The following RAPGEF3 variants were observed in gnomAD, a reference collection of about 807,000 sequenced individuals.
The protein encoded by RAPGEF3 is 9330170P05Rik.
Under a neutral mutation model 129.8 loss-of-function variants are expected in RAPGEF3, and 103 were observed. The ratio of observed to expected loss-of-function variants is 0.79; its 90% confidence interval spans 0.68 to 0.93. The LOEUF (loss-of-function observed/expected upper bound fraction) is 0.93. Among genes scored for constraint, RAPGEF3 ranks in the 40% least tolerant of loss-of-function variants. RAPGEF3 has a pLI of 0.00. For missense variants in RAPGEF3, 1,117 were observed against 1,207.4 expected (o/e 0.93, Z 1.11); for synonymous variants, 436 against 482.6 (o/e 0.90, Z 1.26).
intron 27 of RAPGEF3, 135 bp downstream of exon 27, chr12:47,737,887 C>T: frequency 7.9e-7 from 1 of 1,263,096 alleles, no homozygotes; most frequent in Non-Finnish European, 1.1e-6. Flanking sequence ...AGCACAGAGG[C>T]TGAACATTAT....
chr12:47,751,675 A>T (rs368849941), intron 4 of RAPGEF3, 48 bp downstream of exon 4: 1 of 1,605,568 alleles, frequency 6.2e-7, no homozygotes, highest in Non-Finnish European at 8.5e-7. Flanking sequence ...AGTGGAACGG[A>T]GAGAAAGCAG....
In RAPGEF3 at chr12:47,735,339, A is replaced by C. The variant is rs1487839280; in HGVS notation, c.*2228T>G. On this transcript the variant is annotated 3_prime_UTR_variant, in exon 28 of 28. Transcript: ENST00000449771. The stretch of plus-strand genomic sequence containing the variant: ...AACACCAGAGGATGCCTCCTGCCCC[A>C]CACCACCCCACGCTTGGGCAGTCAG... 1 of 152,112 alleles carries C rather than the reference A, an allele frequency of 6.6e-6. No homozygotes were observed. Among genetic ancestry groups the C allele is most frequent in the African/African-American group, 2.4e-5 (1 of 41,386 alleles). 9.4% of individuals were successfully genotyped at this position (152,112 alleles called of 1,614,324 possible). A position where few individuals can be genotyped will look rare whatever the true frequency, so the allele number is the denominator to read the frequency against.
intron 23 of RAPGEF3, 35 bp from the exon 24 acceptor site, chr12:47,739,265 C>T: frequency 6.6e-7 from 1 of 1,504,620 alleles, no homozygotes; most frequent in Non-Finnish European, 9.2e-7. Flanking sequence ...GGGTTGCACA[C>T]ACCATAAGCC....
At position 47,747,722 on chromosome 12, in the gene RAPGEF3, C is replaced by T. The variant is rs1941500594; in HGVS notation, c.1463G>A (p.Ser488Asn). 1 of 1,610,804 alleles carries T rather than the reference C, an allele frequency of 6.2e-7. No individual in the cohort carries two copies. Among genetic ancestry groups the T allele is most frequent in the East Asian group, 2.2e-5 (1 of 44,846 alleles). ...SMLHTDPVAT[S>N]FLQKLSDLVG... ...CTCACTCCCAGGTACCTGGAGGAAG[C>T]TGGTGGCCACAGGGTCAGTGTGGAG... Residue 488 changes from serine (S) to asparagine (N), a missense_variant, in exon 14 of 28, where the codon AGC becomes AAC. By Grantham distance (46) the Ser-to-Asn change is conservative. Transcript: ENST00000449771.
At chr12:47,741,748 C>A in intron 18 of RAPGEF3, 146 bp from the exon 19 acceptor site, 1 of 668,108 alleles carries the variant, frequency 1.5e-6, no homozygotes, top group South Asian at 1.7e-5. Context: ...GCTCAGAATA[C>A]ACAGGTGCAT....
In RAPGEF3 at chr12:47,751,902, G is replaced by C; in HGVS notation, c.273+14C>G. 6.2e-7 allele frequency: 1 copy of C among 1,614,134 alleles called. No individual in the cohort carries two copies. The highest frequency in any genetic ancestry group is 2.2e-5 in the East Asian group (1 of 44,880). On this transcript the variant is annotated intron_variant, in intron 3 of 27. Coordinates refer to ENST00000449771, the MANE Select transcript of RAPGEF3 (RefSeq NM_001098531.4). The stretch of plus-strand genomic sequence containing the variant: ...GTGCTGCCTGTCCCAGCTCCACCCT[G>C]CCCAGGCTTCTACCTGCTCCAGGCT...
At chr12:47,750,936 TC>T (rs1941703551) in intron 6 of RAPGEF3, 111 bp downstream of exon 6, 39 of 1,458,128 alleles carry the variant, frequency 2.7e-5, no homozygotes, top group Non-Finnish European at 3.5e-5. Flanking sequence ...CCAGCCAGGT[TC>T]CCTTCCCTCC....
In RAPGEF3 at chr12:47,735,638, A is replaced by T. The variant is rs2136715134; in HGVS notation, c.*1929T>A. On this transcript the variant is annotated 3_prime_UTR_variant, in exon 28 of 28. Transcript: ENST00000449771. ...TCTGGACTGTAAAGCTGATGGTCCA[A>T]GGAGGAGGGAGAAGTCCCATCAGGA... 1 of 152,428 alleles carries T rather than the reference A, an allele frequency of 6.6e-6. No individual in the cohort carries two copies. The highest frequency in any genetic ancestry group is 2.4e-5 in the African/African-American group (1 of 41,586). The allele number at this position is 152,428 out of a possible 1,614,324, so 9.4% of individuals were successfully genotyped here.
chr12:47,740,771 G>A lies in RAPGEF3; in HGVS notation c.2102C>T (p.Thr701Ile). 5.0e-6 allele frequency: 8 copies of A among 1,614,088 alleles called. No homozygotes were observed. The highest frequency in any genetic ancestry group is 3.3e-4 in the Middle Eastern group (2 of 6,062). Reference protein sequence around the residue: ...LGPQHLRDVTTANLERFMRRF... With the variant: ...LGPQHLRDVTIANLERFMRRF... ...GCGCATGAAGCGCTCCAGGTTGGCGGTGGTGACATCCCGCAGATGCTGGGG... is the reference window on the plus strand; with the variant it reads ...GCGCATGAAGCGCTCCAGGTTGGCGATGGTGACATCCCGCAGATGCTGGGG... Residue 701 changes from threonine to isoleucine, a missense_variant, in exon 21 of 28, where the codon ACC becomes ATC. Thr to Ile is a moderately conservative substitution (Grantham distance 89). Coordinates refer to ENST00000449771, the MANE Select transcript of RAPGEF3 (RefSeq NM_001098531.4).
chr12:47,757,746 G>C (rs1481798034), intron 2 of RAPGEF3, 120 bp downstream of exon 2: 10 of 949,756 alleles, frequency 1.1e-5, no homozygotes. Context: ...GTCCACGGCA[G>C]CTGTACCACT....
Position 47,741,491 on chromosome 12 carries a change from T to C in RAPGEF3, c.1923+14A>G. The C allele has an allele frequency of 1.9e-6, 3 of 1,610,700 alleles. No homozygotes were observed. Among genetic ancestry groups the C allele is most frequent in the Non-Finnish European group, 2.5e-6 (3 of 1,176,920 alleles). ...ATCTCCTCCCTGGGCCCTGGCACCC[T>C]GCCTGGTCCCTACCAGCTCATGCAC... On this transcript the variant is annotated intron_variant, in intron 19 of 27. Transcript: ENST00000449771.
At chr12:47,753,930 C>A (rs972061201) in intron 2 of RAPGEF3, 1 of 152,200 alleles carries the variant, frequency 6.6e-6, no homozygotes, top group Non-Finnish European at 1.5e-5. Flanking sequence ...CAGAGAATGG[C>A]CCTAGTCCAT....
At chr12:47,741,303 C>A in intron 19 of RAPGEF3, 1 of 662,932 alleles carries the variant, frequency 1.5e-6, no homozygotes, top group Non-Finnish European at 2.5e-6. Context: ...GAGCTCCCAA[C>A]CAGTGCTACC....
chr12:47,746,692 C>T (rs759661657), intron 16 of RAPGEF3, 168 bp downstream of exon 16: 9 of 855,572 alleles, frequency 1.1e-5, no homozygotes, highest in Non-Finnish European at 1.8e-5. Flanking sequence ...CGGCCTGGCC[C>T]AGGGCACCAC....
intron 23 of RAPGEF3, 154 bp from the exon 24 acceptor site, chr12:47,739,384 C>A: frequency 1.4e-6 from 1 of 722,876 alleles, no homozygotes; most frequent in Non-Finnish European, 2.5e-6. Context: ...GGCTCTGTCA[C>A]AGGCGAACAC....
intron 2 of RAPGEF3, among the ~76,000 whole-genome samples, chr12:47,753,109 C>T (rs929647643): frequency 6.6e-6 from 1 of 152,228 alleles, no homozygotes; most frequent in African/African-American, 2.4e-5. Context: ...AAAGCACAAT[C>T]GCCCCCTTGA....
rs569353077 is a variant in RAPGEF3 at position 47,750,936 on chromosome 12, T to G, written c.671+112A>C. Reference sequence around the variant, plus strand: ...CCAGGGGCTTCTGGGCCAGCCAGGTTCCCTTCCCTCCACAACAGGTAAGGG... The same window carrying G: ...CCAGGGGCTTCTGGGCCAGCCAGGTGCCCTTCCCTCCACAACAGGTAAGGG... On this transcript the variant is annotated intron_variant, in intron 6 of 27. Coordinates refer to ENST00000449771, the MANE Select transcript of RAPGEF3 (RefSeq NM_001098531.4). The G allele has an allele frequency of 4.1e-6, 6 of 1,458,246 alleles. No individual in the cohort carries two copies. The East Asian group carries it at 1.5e-4, about 36-fold the overall frequency. The allele number at this position is 1,458,246 out of a possible 1,614,324, so 90.3% of individuals were successfully genotyped here.
chr12:47,739,080 G>A, intron 24 of RAPGEF3, 63 bp downstream of exon 24: 3 of 1,373,726 alleles, frequency 2.2e-6, no homozygotes, highest in Middle Eastern at 1.9e-4. Flanking sequence ...GGCAGGAAGG[G>A]GGAAATGGGG....
chr12:47,758,218 T>TG (rs1184786856), intron 1 of RAPGEF3, 140 bp from the exon 2 acceptor site: 3 of 1,437,590 alleles, frequency 2.1e-6, no homozygotes, highest in East Asian at 2.5e-5. Flanking sequence ...TGCCAGGAGC[T>TG]GGGGGGAGGA....
Sources: gnomAD v4.1 joint callset for allele counts (sites outside exome capture counted in the v4.1 genomes callset) on GRCh38, gnomAD v4.1.1 for gene constraint, MANE v1.5 for transcripts, NCBI Gene and HGNC (gene_info 2026-07-23, HGNC 2026-07-21) for gene names.